Variants in SPAG16 observed in about 807,000 individuals in gnomAD.
SPAG16 encodes sperm associated antigen 16.
SPAG16 carries 86 observed loss-of-function variants against 80.4 expected under a neutral mutation model. The ratio of observed to expected loss-of-function variants is 1.07; its 90% confidence interval spans 0.90 to 1.28. The LOEUF (loss-of-function observed/expected upper bound fraction) is 1.28. Among genes scored for constraint, SPAG16 ranks in the 50% most tolerant of loss-of-function variants. The pLI is 0.00. For synonymous variants in SPAG16, 294 were observed against 265.9 expected (o/e 1.11, Z -1.03); for missense variants, 870 against 765.3 (o/e 1.14, Z -1.61).
intron 9 of SPAG16, among the ~76,000 whole-genome samples, chr2:213,416,643 T>C (rs749394404): frequency 9.2e-5 from 14 of 152,202 alleles, no homozygotes; most frequent in South Asian, 2.1e-4. Flanking sequence ...AGACCAGCCA[T>C]TGGGCTCTGG....
rs552335638 is a variant in SPAG16 at position 213,869,264 on chromosome 2, A to AAATAT, written c.1214+6637_1214+6638insATATA. 6.1e-4 allele frequency among the ~76,000 whole-genome samples: 39 copies of AAATAT among 63,590 alleles called. No individual in the cohort carries two copies. In the East Asian group the frequency reaches 7.7e-3, roughly 13 times the overall value. The allele number at this position is 63,590 out of a possible 152,430, so 41.7% of individuals were successfully genotyped here. On this transcript the variant is annotated intron_variant, in intron 11 of 15. Coordinates refer to ENST00000331683, the MANE Select transcript of SPAG16 (RefSeq NM_024532.5). ...GCTAAAGTCCATGTCAAAAAAAAAA[A>AAATAT]ATATATATATATATATGTATATATA...
At chr2:214,383,563 T>G (rs1263845404) in intron 15 of SPAG16, among the ~76,000 whole-genome samples, 3 of 148,004 alleles carry the variant, frequency 2.0e-5, no homozygotes, top group Non-Finnish European at 4.5e-5. Flanking sequence ...AGAGTGAGAC[T>G]TCATCTCAAA....
chr2:214,087,216 T>C (rs2051827490), intron 13 of SPAG16, among the ~76,000 whole-genome samples: 2 of 152,110 alleles, frequency 1.3e-5, no homozygotes, highest in Admixed American at 1.3e-4. Context: ...TAAATGCAGA[T>C]TTTTTTGCTA....
intron 13 of SPAG16, among the ~76,000 whole-genome samples, chr2:214,098,536 G>A (rs192476173): frequency 9.3e-4 from 142 of 152,144 alleles, no homozygotes; most frequent in Non-Finnish European, 1.0e-3. Flanking sequence ...CAAGCCAAGT[G>A]GAAGGACTCA....
intron 9 of SPAG16, among the ~76,000 whole-genome samples, chr2:213,421,985 G>A (rs1458980606): frequency 6.6e-6 from 1 of 152,168 alleles, no homozygotes; most frequent in African/African-American, 2.4e-5. Flanking sequence ...ACCCAGTAAA[G>A]TTCCTCTCTG....
chr2:213,377,879 GTGTATATATA>G (rs72062288), intron 9 of SPAG16, among the ~76,000 whole-genome samples: 7 of 142,468 alleles, frequency 4.9e-5, no homozygotes, highest in East Asian at 2.0e-4. Context: ...CTAATAGGAT[GTGTATATATA>G]TATATATATA....
At chr2:213,370,275 T>G (rs1378979063) in intron 8 of SPAG16, among the ~76,000 whole-genome samples, 1 of 152,206 alleles carries the variant, frequency 6.6e-6, no homozygotes, top group Non-Finnish European at 1.5e-5. Flanking sequence ...TGTTTTAATG[T>G]TAAGAAGTAA....
intron 9 of SPAG16, among the ~76,000 whole-genome samples, chr2:213,417,385 A>G (rs1252458884): frequency 6.6e-6 from 1 of 152,238 alleles, no homozygotes; most frequent in African/African-American, 2.4e-5. Flanking sequence ...ACAATATCTT[A>G]TATAGAGAAA....
At chr2:214,188,360 C>G (rs2125689968) in intron 15 of SPAG16, among the ~76,000 whole-genome samples, 1 of 152,232 alleles carries the variant, frequency 6.6e-6, no homozygotes, top group South Asian at 2.1e-4. Flanking sequence ...TACCATTTGC[C>G]AAGCACTGTA....
chr2:213,597,812 G>A lies in SPAG16; in HGVS notation c.1070+107722G>A, dbSNP rs892839840. ...ACATATTTTAAGATGGCTATTCAGA[G>A]GGCCTGCAAACAGAAGTATGCAAAG... On this transcript the variant is annotated intron_variant, in intron 10 of 15. Transcript: ENST00000331683. 7.2e-5 allele frequency among the ~76,000 whole-genome samples: 11 copies of A among 152,146 alleles called. No individual in the cohort carries two copies. The East Asian group carries it at 7.7e-4, about 11-fold the overall frequency.
At chr2:214,377,298 C>T (rs1422439307) in intron 15 of SPAG16, among the ~76,000 whole-genome samples, 1 of 152,130 alleles carries the variant, frequency 6.6e-6, no homozygotes, top group Non-Finnish European at 1.5e-5. Context: ...ATACGAAGTG[C>T]CACTAGTGAT....
intron 9 of SPAG16, among the ~76,000 whole-genome samples, chr2:213,376,157 G>T (rs2066874059): frequency 6.6e-6 from 1 of 151,516 alleles, no homozygotes; most frequent in Admixed American, 6.6e-5. Flanking sequence ...TATCGTATGT[G>T]AGGTAGACTC....
chr2:213,323,610 C>A (rs1381024319), intron 5 of SPAG16, among the ~76,000 whole-genome samples: 1 of 152,136 alleles, frequency 6.6e-6, no homozygotes, highest in Non-Finnish European at 1.5e-5. Context: ...CAAGAAATCC[C>A]ACTCCTGGGT....
intron 13 of SPAG16, among the ~76,000 whole-genome samples, chr2:214,107,767 A>G (rs539238729): frequency 6.6e-6 from 1 of 152,272 alleles, no homozygotes; most frequent in South Asian, 2.1e-4. Context: ...AGGAGCTAAA[A>G]TGTGATTCTA....
intron 10 of SPAG16, among the ~76,000 whole-genome samples, chr2:213,742,956 T>C (rs1229381543): frequency 6.6e-6 from 1 of 151,772 alleles, no homozygotes; most frequent in Non-Finnish European, 1.5e-5. Context: ...CAGGCTGGAG[T>C]GCAGTGGTGA....
At chr2:214,321,142 T>C (rs1162226944) in intron 15 of SPAG16, among the ~76,000 whole-genome samples, 1 of 152,164 alleles carries the variant, frequency 6.6e-6, no homozygotes, top group African/African-American at 2.4e-5. Context: ...AATAAGATAA[T>C]GGCTATCAGA....
intron 14 of SPAG16, among the ~76,000 whole-genome samples, chr2:214,142,163 A>G (rs1411478471): frequency 6.6e-6 from 1 of 152,156 alleles, no homozygotes; most frequent in East Asian, 1.9e-4. Flanking sequence ...CTTTGTCTAG[A>G]ATAGAGTACA....
chr2:213,352,603 T>G (rs2065396080), intron 7 of SPAG16, among the ~76,000 whole-genome samples: 1 of 152,234 alleles, frequency 6.6e-6, no homozygotes, highest in African/African-American at 2.4e-5. Flanking sequence ...TCCAGTTGTG[T>G]TGTAAAACAC....
At chr2:214,382,042 G>C (rs1183792985) in intron 15 of SPAG16, among the ~76,000 whole-genome samples, 9 of 152,174 alleles carry the variant, frequency 5.9e-5, no homozygotes, top group Admixed American at 5.9e-4. Flanking sequence ...AAAAAGAAAA[G>C]TAAATATCAC....
Sources: gnomAD v4.1 joint callset for allele counts (sites outside exome capture counted in the v4.1 genomes callset) on GRCh38, gnomAD v4.1.1 for gene constraint, MANE v1.5 for transcripts, NCBI Gene and HGNC (gene_info 2026-07-23, HGNC 2026-07-21) for gene names.